The following MTHFD1 variants were observed in gnomAD, a reference collection of about 807,000 sequenced individuals.
The protein encoded by MTHFD1 is methylenetetrahydrofolate dehydrogenase, cyclohydrolase and formyltetrahydrofolate synthetase 1.
A neutral mutation model predicts 110.3 loss-of-function variants in MTHFD1; 44 were observed. The ratio of observed to expected loss-of-function variants is 0.40; its 90% CI spans 0.31 to 0.51. The LOEUF (loss-of-function observed/expected upper bound fraction) is 0.51, where lower values mean the gene tolerates loss of function less well. Ranked by LOEUF, MTHFD1 falls within the 20% of genes least tolerant of loss-of-function variation. The pLI is 0.60. For synonymous variants in MTHFD1, 402 were observed against 428.8 expected, an observed-to-expected ratio of 0.94 and a Z score of 0.77; for missense variants, 909 against 1,173.1, an observed-to-expected ratio of 0.77 and a Z score of 3.29.
intron 11 of MTHFD1, 120 bp downstream of exon 11, chr14:64,426,312 C>A: frequency 8.7e-7 from 1 of 1,145,684 alleles, no homozygotes; most frequent in Non-Finnish European, 1.3e-6. Flanking sequence ...GCATTTTCAC[C>A]CGTATTTGAT....
chr14:64,391,889 A>G (rs968875082), intron 1 of MTHFD1, among the ~76,000 whole-genome samples: 1 of 152,230 alleles, frequency 6.6e-6, no homozygotes, highest in Non-Finnish European at 1.5e-5. Context: ...TGAACAAAAC[A>G]GCCCAAATCC....
rs2078255197 is a variant in MTHFD1, at chr14:64,442,244, G to A, written c.1997-19G>A. On this transcript the variant is annotated intron_variant, in intron 20 of 27. Coordinates refer to ENST00000652337, the MANE Select transcript of MTHFD1 (RefSeq NM_005956.4). ...GGGGAATTGGGATGGCATTTTTACT[G>A]TTGCTTTCCTCTTTACAGTGACGGA... 2 of 1,614,112 alleles carry A rather than the reference G, an allele frequency of 1.2e-6. No individual in the cohort carries two copies. Among genetic ancestry groups the A allele is most frequent in the Admixed American group, 3.3e-5 (2 of 60,008 alleles).
At chr14:64,401,996 T>C (rs2077901578) in intron 2 of MTHFD1, among the ~76,000 whole-genome samples, 1 of 152,208 alleles carries the variant, frequency 6.6e-6, no homozygotes, top group South Asian at 2.1e-4. Context: ...GATGTGTAGC[T>C]ATAAAAGGGA....
intron 1 of MTHFD1, among the ~76,000 whole-genome samples, chr14:64,396,581 T>C (rs1305725579): frequency 6.7e-6 from 1 of 149,968 alleles, no homozygotes; most frequent in Non-Finnish European, 1.5e-5. Flanking sequence ...TTTTTTGTAT[T>C]TTTAGTAGAG....
At chr14:64,419,775 C>A (rs1406308825) in intron 7 of MTHFD1, 39 bp from the exon 8 acceptor site, 2 of 1,363,122 alleles carry the variant, frequency 1.5e-6, no homozygotes, top group Admixed American at 1.7e-5. Context: ...GTGTGTATTT[C>A]ATTATTTCAT....
chr14:64,391,463 G>A (rs1388361743), intron 1 of MTHFD1, among the ~76,000 whole-genome samples: 2 of 152,076 alleles, frequency 1.3e-5, no homozygotes, highest in Admixed American at 6.6e-5. Context: ...CTGCGCCCCC[G>A]CTGGCGCTTT....
intron 7 of MTHFD1, among the ~76,000 whole-genome samples, chr14:64,418,787 C>G (rs541832031): frequency 7.2e-5 from 11 of 152,000 alleles, no homozygotes; most frequent in Non-Finnish European, 1.5e-4. Context: ...AACTCCTGAC[C>G]TCAGGTGATC....
chr14:64,421,854 T>C (rs896473590), intron 8 of MTHFD1, among the ~76,000 whole-genome samples: 1 of 152,134 alleles, frequency 6.6e-6, no homozygotes, highest in African/African-American at 2.4e-5. Flanking sequence ...CTCGATCTCC[T>C]GACCTCGTGA....
Position 64,441,555 on chromosome 14 carries a change from C to G in MTHFD1, c.1884+102C>G, listed in dbSNP as rs556543629. On this transcript the variant is annotated intron_variant, in intron 19 of 27. Coordinates refer to ENST00000652337, the MANE Select transcript of MTHFD1 (RefSeq NM_005956.4). ...GGCGCGGTGGCTCACACCTGTAATC[C>G]CAGCACTTTGGGAGGCCAAGGTGGG... is the stretch of plus-strand genomic sequence containing the variant. 1.5e-4 allele frequency: 162 copies of G among 1,103,750 alleles called. No individual in the cohort carries two copies. The African/African-American group carries it at 2.4e-3, about 16-fold the overall frequency. 68.4% of individuals were successfully genotyped at this position (1,103,750 alleles called of 1,614,324 possible).
chr14:64,406,881 A>T (rs8003379), intron 2 of MTHFD1, among the ~76,000 whole-genome samples: 1 of 152,070 alleles, frequency 6.6e-6, no homozygotes, highest in Non-Finnish European at 1.5e-5. Flanking sequence ...ACGATGTAGG[A>T]GATGTCCCCT....
rs769320351 is a variant in MTHFD1, at chr14:64,431,675, G to GT, written c.1419+40dup. The GT allele has an allele frequency of 9.3e-6, 15 of 1,606,716 alleles. No homozygotes were observed. The Admixed American group carries it at 2.2e-4, about 23-fold the overall frequency. On this transcript the variant is annotated intron_variant, in intron 14 of 27. Coordinates refer to ENST00000652337, the MANE Select transcript of MTHFD1 (RefSeq NM_005956.4). ...AAAGCCCCATGAACCCCATTGAACA[G>GT]TTTTGAAAGTATTGAACCATCTGAA...
chr14:64,448,313 T>A lies in MTHFD1; in HGVS notation c.2275T>A (p.Phe759Ile). Reference sequence around the variant, plus strand: ...TCCAGTAGTAGTGGCCGTGAATGCATTCAAGTAAGTGTAGAGTGTAAGCGA... The same window carrying A: ...TCCAGTAGTAGTGGCCGTGAATGCAATCAAGTAAGTGTAGAGTGTAAGCGA... ...GIPVVVAVNAFKTDTESELDL... is the reference protein window; with the variant it reads ...GIPVVVAVNAIKTDTESELDL... The change falls in exon 23 of 28, where the codon TTC becomes ATC. Residue 759 changes from phenylalanine to isoleucine, a missense_variant. By Grantham distance (21) the Phe-to-Ile change is conservative (BLOSUM62 0). This residue lies in a region of MTHFD1 where 482 missense variants were observed against 646.0 expected (regional missense o/e 0.75). Transcript: ENST00000652337. The A allele has an allele frequency of 6.2e-7, 1 of 1,608,012 alleles. No individual in the cohort carries two copies. Among genetic ancestry groups the A allele is most frequent in the South Asian group, 1.1e-5 (1 of 90,966 alleles).
At chr14:64,446,517 T>C (rs1212061618) in intron 22 of MTHFD1, among the ~76,000 whole-genome samples, 1 of 152,204 alleles carries the variant, frequency 6.6e-6, no homozygotes, top group African/African-American at 2.4e-5. Flanking sequence ...CTTTAGTTTG[T>C]AGTACTTGGT....
At chr14:64,397,842 C>T (rs1326442925) in intron 1 of MTHFD1, among the ~76,000 whole-genome samples, 12 of 152,048 alleles carry the variant, frequency 7.9e-5, no homozygotes, top group Non-Finnish European at 1.5e-4. Context: ...TTTCTATATC[C>T]ATAATAAGAG....
At chr14:64,446,710 T>G (rs1310700615) in intron 22 of MTHFD1, among the ~76,000 whole-genome samples, 1 of 152,020 alleles carries the variant, frequency 6.6e-6, no homozygotes, top group Non-Finnish European at 1.5e-5. Flanking sequence ...TCCGGCTAAT[T>G]TTTTTGTATT....
rs1456181915 is a variant in MTHFD1 at position 64,439,123 on chromosome 14, G to A, written c.1625G>A (p.Arg542Lys). Residue 542 changes from arginine (R) to lysine (K), a missense_variant, in exon 17 of 28, where the codon AGG (arginine) becomes AAG (lysine). This residue lies in a region of MTHFD1 where 482 missense variants were observed against 646.0 expected (regional missense o/e 0.75). Transcript: ENST00000652337. The stretch of plus-strand genomic sequence containing the variant: ...TTGGATACCAATGATAGATTCCTGA[G>A]GAAGATCACGATTGGACAGGCTCCA... The part of the protein sequence containing the change: ...RVLDTNDRFL[R>K]KITIGQAPTE... 1.2e-6 allele frequency: 2 copies of A among 1,613,996 alleles called. No individual in the cohort carries two copies. The highest frequency in any genetic ancestry group is 1.1e-5 in the South Asian group (1 of 91,070).
At position 64,415,625 on chromosome 14, in the gene MTHFD1, A is replaced by G. The variant is rs1596539386; in HGVS notation, c.378-14A>G. The G allele has an allele frequency of 1.2e-6, 2 of 1,612,938 alleles. No homozygotes were observed. The highest frequency in any genetic ancestry group is 1.7e-4 in the Middle Eastern group (1 of 6,058). ...TTGCCTTTATTTCCTTCTTATTTCC[A>G]TCACTTTTTTAAGATTGACTAGCAT... is the stretch of plus-strand genomic sequence containing the variant. On this transcript the variant is annotated splice_polypyrimidine_tract_variant and intron_variant, in intron 5 of 27. Coordinates refer to ENST00000652337, the MANE Select transcript of MTHFD1 (RefSeq NM_005956.4).
intron 13 of MTHFD1, among the ~76,000 whole-genome samples, chr14:64,431,118 A>G (rs1474219198): frequency 6.8e-6 from 1 of 146,076 alleles, no homozygotes; most frequent in African/African-American, 2.6e-5. Flanking sequence ...TCTGTCACCC[A>G]GGCTGGAGTG....
At chr14:64,396,623 C>A (rs1449841099) in intron 1 of MTHFD1, among the ~76,000 whole-genome samples, 1 of 149,422 alleles carries the variant, frequency 6.7e-6, no homozygotes, top group Non-Finnish European at 1.5e-5. Context: ...TGTGTCAAAC[C>A]CCCCAGCTCA....
Sources: allele counts gnomAD v4.1 joint callset (sites outside exome capture counted in the v4.1 genomes callset), GRCh38; gene constraint gnomAD v4.1.1; regional missense constraint gnomAD v4.1.1; transcripts MANE v1.5; gene names NCBI Gene and HGNC (gene_info 2026-07-23, HGNC 2026-07-21).